The following SARM1 variants were observed in gnomAD, a reference collection of about 807,000 sequenced individuals.
SARM1 encodes the protein sterile alpha and TIR motif containing 1.
SARM1 carries 60 observed loss-of-function variants against 65.1 expected under a neutral mutation model. The ratio of observed to expected loss-of-function variants is 0.92; its 90% CI spans 0.75 to 1.14. The LOEUF is 1.14. Ranked by LOEUF, SARM1 falls within the 50% of genes most tolerant of loss-of-function variation. The pLI is 0.00. For missense variants in SARM1, 913 were observed against 1,015.7 expected (o/e 0.90, Z 1.37); for synonymous variants, 417 against 465.4 (o/e 0.90, Z 1.34).
At position 28,385,286 on chromosome 17, in the gene SARM1, T is replaced by A. The variant is rs782301012; in HGVS notation, c.1630+11T>A. The A allele has an allele frequency of 4.4e-5, 67 of 1,515,962 alleles. 1 individual carries two copies. The highest frequency in any genetic ancestry group is 4.1e-4 in the Middle Eastern group (2 of 4,892). The allele number at this position is 1,515,962 out of a possible 1,614,324, so 93.9% of individuals were successfully genotyped here. On this transcript the variant is annotated intron_variant, in intron 5 of 8. Coordinates refer to ENST00000585482, the MANE Select transcript of SARM1 (RefSeq NM_015077.4). This position sits in a 1 kb window ranked among gnomAD's most constrained non-coding sequence, Gnocchi z 4.5. ...TCACGGCGGCCAGAGGTCAGCCCGC[T>A]CACCCGGGACCCCGCCCCAGCCCCA...
chr17:28,388,549 T>C lies in SARM1; in HGVS notation c.1923+10T>C, dbSNP rs1427039842. On this transcript the variant is annotated intron_variant, in intron 7 of 8. Transcript: ENST00000585482. The stretch of plus-strand genomic sequence containing the variant: ...GGATTGGGTGCATAAGGTAGGTGCC[T>C]GCCTATGCTTCTGCGGTCCCAGCAT... The C allele has an allele frequency of 1.2e-6, 2 of 1,610,588 alleles. No homozygotes were observed. The highest frequency in any genetic ancestry group is 1.7e-6 in the Non-Finnish European group (2 of 1,179,148).
chr17:28,392,647 G>A (rs893479335), intron 7 of SARM1, among the ~76,000 whole-genome samples: 24 of 152,014 alleles, frequency 1.6e-4, no homozygotes, highest in Admixed American at 3.9e-4. Flanking sequence ...TGGGCTGGGC[G>A]TGTGTGTGGC....
chr17:28,388,385 G>C lies in SARM1; in HGVS notation c.1769G>C (p.Ser590Thr). ...GTGCACCTGCAGCTGCATGGCTTCAGTGTCTTCATTGATGTGGAGAAGCTG... is the reference window on the plus strand; with the variant it reads ...GTGCACCTGCAGCTGCATGGCTTCACTGTCTTCATTGATGTGGAGAAGCTG... ...LKVHLQLHGF[S>T]VFIDVEKLEA... Residue 590 changes from serine to threonine, a missense_variant, in exon 7 of 9, where the codon AGT (serine) becomes ACT (threonine). By Grantham distance (58) the Ser-to-Thr change is moderately conservative (BLOSUM62 1). Transcript: ENST00000585482. 2 of 1,614,004 alleles carry C rather than the reference G, an allele frequency of 1.2e-6. No homozygotes were observed. Among genetic ancestry groups the C allele is most frequent in the Non-Finnish European group, 1.7e-6 (2 of 1,179,896 alleles).
At position 28,402,220 on chromosome 17, in the gene SARM1, G is replaced by A. The variant is rs1555589761; in HGVS notation, c.*5934G>A. The stretch of plus-strand genomic sequence containing the variant: ...ACTGGACATGAGGAACCAGACACAG[G>A]TGGGTTCTGACACTCACCCTGCTCT... On this transcript the variant is annotated 3_prime_UTR_variant, in exon 9 of 9. Transcript: ENST00000585482. The A allele has an allele frequency of 1.2e-6, 2 of 1,607,118 alleles. No individual in the cohort carries two copies. Among genetic ancestry groups the A allele is most frequent in the Admixed American group, 1.7e-5 (1 of 59,498 alleles).
chr17:28,372,356 G>A lies in SARM1; in HGVS notation c.324G>A (p.Val108=). 6.6e-7 allele frequency: 1 copy of A among 1,504,068 alleles called. No homozygotes were observed. Among genetic ancestry groups the A allele is most frequent in the Non-Finnish European group, 8.8e-7 (1 of 1,132,442 alleles). The allele number at this position is 1,504,068 out of a possible 1,614,324, so 93.2% of individuals were successfully genotyped here. The change falls in exon 1 of 9, where the codon GTG becomes GTA. Residue 108 remains valine (V), a synonymous_variant. Coordinates refer to ENST00000585482, the MANE Select transcript of SARM1 (RefSeq NM_015077.4). The surrounding 1 kb of genome is among the most constrained non-coding windows in gnomAD (Gnocchi z 5.2). ...AGGAGGCCTGGCTGCTGCCGGCCGT[G>A]GGCCGCGAGGTAGCCCAGGGTCTGT... ...LVEEAWLLPA[V]GREVAQGLCD... is the part of the protein sequence containing the mutation.
chr17:28,378,445 A>G (rs1291341071), intron 1 of SARM1, among the ~76,000 whole-genome samples: 1 of 152,170 alleles, frequency 6.6e-6, no homozygotes, highest in Non-Finnish European at 1.5e-5. Context: ...CTAACTCCAT[A>G]AGGAACCATT....
rs372349604 is a variant in SARM1, at chr17:28,381,613, C to T, written c.881C>T (p.Ala294Val). The T allele has an allele frequency of 4.9e-5, 78 of 1,579,690 alleles. No individual in the cohort carries two copies. The highest frequency in any genetic ancestry group is 6.1e-5 in the Non-Finnish European group (71 of 1,164,042). Reference sequence around the variant, plus strand: ...GAGGTGGAGCGCTCGGGCACGCTGGCGCTCGTGGAGCCGCTTGTGGCCTCG... The same window carrying T: ...GAGGTGGAGCGCTCGGGCACGCTGGTGCTCGTGGAGCCGCTTGTGGCCTCG... ...EREVERSGTLALVEPLVASLD... is the reference protein window; with the variant it reads ...EREVERSGTLVLVEPLVASLD... Residue 294 changes from alanine (A) to valine (V), a missense_variant, in exon 2 of 9, where the codon GCG becomes GTG. Coordinates refer to ENST00000585482, the MANE Select transcript of SARM1 (RefSeq NM_015077.4).
rs1405932102 is a variant in SARM1 at position 28,396,489 on chromosome 17, T to G, written c.*203T>G. 2 of 635,916 alleles carry G rather than the reference T, an allele frequency of 3.1e-6. No homozygotes were observed. The highest frequency in any genetic ancestry group is 3.7e-5 in the African/African-American group (2 of 54,360). The allele number at this position is 635,916 out of a possible 1,614,324, so 39.4% of individuals were successfully genotyped here. A position where few individuals can be genotyped will look rare whatever the true frequency, so the allele number is the denominator to read the frequency against. ...CTGGAGAGGGAAGGGAAGTCAGGCT[T>G]GGGCACGGGAGGTTAGAACTCCCCC... On this transcript the variant is annotated 3_prime_UTR_variant, in exon 9 of 9. Coordinates refer to ENST00000585482, the MANE Select transcript of SARM1 (RefSeq NM_015077.4).
rs1418606536 is a variant in SARM1 at position 28,385,308 on chromosome 17, C to T, written c.1630+33C>T. 20 of 1,451,976 alleles carry T rather than the reference C, an allele frequency of 1.4e-5. No homozygotes were observed. Among genetic ancestry groups the T allele is most frequent in the Non-Finnish European group, 1.8e-5 (20 of 1,090,036 alleles). The allele number at this position is 1,451,976 out of a possible 1,614,324, so 89.9% of individuals were successfully genotyped here. Reference sequence around the variant, plus strand: ...CGCTCACCCGGGACCCCGCCCCAGCCCCAGCCCCAGCCACGGCCCTGGAAT... The same window carrying T: ...CGCTCACCCGGGACCCCGCCCCAGCTCCAGCCCCAGCCACGGCCCTGGAAT... On this transcript the variant is annotated intron_variant, in intron 5 of 8. Transcript: ENST00000585482. This position sits in a 1 kb window ranked among gnomAD's most constrained non-coding sequence, Gnocchi z 4.5.
rs2068162524 is a variant in SARM1 at position 28,398,923 on chromosome 17, GC to G, written c.*2638del. 6.6e-6 allele frequency: 1 copy of G among 152,276 alleles called. No individual in the cohort carries two copies. The highest frequency in any genetic ancestry group is 6.5e-5 in the Admixed American group (1 of 15,282). The allele number at this position is 152,276 out of a possible 1,614,324, so 9.4% of individuals were successfully genotyped here. On this transcript the variant is annotated 3_prime_UTR_variant, in exon 9 of 9. Coordinates refer to ENST00000585482, the MANE Select transcript of SARM1 (RefSeq NM_015077.4). ...GCCCCACTTGGTACCAATCCACCAG[GC>G]AGCTCAGGGCTCCTGCCCAGCCCAG...
At position 28,395,951 on chromosome 17, in the gene SARM1, T is replaced by C. The variant is rs1555587744; in HGVS notation, c.1970T>C (p.Ile657Thr). The change falls in exon 8 of 9, where the codon ATT (isoleucine) becomes ACT (threonine). Residue 657 changes from isoleucine to threonine, a missense_variant. This residue lies in a region of SARM1 where 862 missense variants were observed against 952.1 expected (regional missense o/e 0.91). Coordinates refer to ENST00000585482, the MANE Select transcript of SARM1 (RefSeq NM_015077.4). Reference sequence around the variant, plus strand: ...TGCGGCAAGAACATTGTGCCCATCATTGATGGCTTCGAGTGGCCTGAGCCC... The same window carrying C: ...TGCGGCAAGAACATTGTGCCCATCACTGATGGCTTCGAGTGGCCTGAGCCC... ...LSCGKNIVPI[I>T]DGFEWPEPQV... 6.8e-6 allele frequency: 11 copies of C among 1,613,876 alleles called. No individual in the cohort carries two copies. The highest frequency in any genetic ancestry group is 2.7e-5 in the African/African-American group (2 of 74,932).
intron 1 of SARM1, among the ~76,000 whole-genome samples, chr17:28,375,363 C>G (rs1159204907): frequency 0.012 from 2 of 170 alleles, no homozygotes; most frequent in East Asian, 0.2. Flanking sequence ...TTTGGGAGGC[C>G]CAGGCGGGAG....
At chr17:28,396,052 G>C (rs782010863) in intron 8 of SARM1, 26 bp downstream of exon 8, 89 of 1,613,622 alleles carry the variant, frequency 5.5e-5, no homozygotes, top group Non-Finnish European at 7.4e-5. Context: ...CTGGGACCAG[G>C]GGGGTAGGGT....
At position 28,385,337 on chromosome 17, in the gene SARM1, G is replaced by A; in HGVS notation, c.1630+62G>A. ...GCCCCAGCCACGGCCCTGGAATGGT[G>A]AGGGGAGACACGGGGTGGAGCCTTC... On this transcript the variant is annotated intron_variant, in intron 5 of 8. Coordinates refer to ENST00000585482, the MANE Select transcript of SARM1 (RefSeq NM_015077.4). This position sits in a 1 kb window ranked among gnomAD's most constrained non-coding sequence, Gnocchi z 4.5. The A allele has an allele frequency of 1.5e-6, 2 of 1,292,754 alleles. No individual in the cohort carries two copies. The highest frequency in any genetic ancestry group is 2.1e-6 in the Non-Finnish European group (2 of 957,982). The allele number at this position is 1,292,754 out of a possible 1,614,324, so 80.1% of individuals were successfully genotyped here. A position where few individuals can be genotyped will look rare whatever the true frequency, so the allele number is the denominator to read the frequency against.
intron 7 of SARM1, among the ~76,000 whole-genome samples, chr17:28,393,545 G>A (rs4795435): frequency 0.59 from 89,170 of 150,784 alleles, 26,772 homozygotes; most frequent in East Asian, 0.72. Context: ...GTGAGATCCT[G>A]TTCCCCTGCC....
rs1051601381 is a variant in SARM1 at position 28,385,790 on chromosome 17, A to T, written c.1630+515A>T. On this transcript the variant is annotated intron_variant, in intron 5 of 8. Transcript: ENST00000585482. This position sits in a 1 kb window ranked among gnomAD's most constrained non-coding sequence, Gnocchi z 4.5. Reference sequence around the variant, plus strand: ...TGGGTCTAGAGGTGGTTTAGAGTGAATTCTAGGCCTCTAGCCACCCTCCTT... The same window carrying T: ...TGGGTCTAGAGGTGGTTTAGAGTGATTTCTAGGCCTCTAGCCACCCTCCTT... Among the ~76,000 whole-genome samples the T allele has an allele frequency of 3.6e-4, 55 of 152,176 alleles. No homozygotes were observed. The highest frequency in any genetic ancestry group is 1.3e-3 in the African/African-American group (55 of 41,440).
rs12453383 is a variant in SARM1 at position 28,396,688 on chromosome 17, G to A, written c.*402G>A. 958 of 202,942 alleles carry A rather than the reference G, an allele frequency of 4.7e-3. 35 individuals carry two copies. The Admixed American group carries it at 0.049, about 10-fold the overall frequency. The allele number at this position is 202,942 out of a possible 1,614,324, so 12.6% of individuals were successfully genotyped here. On this transcript the variant is annotated 3_prime_UTR_variant, in exon 9 of 9. Coordinates refer to ENST00000585482, the MANE Select transcript of SARM1 (RefSeq NM_015077.4). Reference sequence around the variant, plus strand: ...ACAGGAATTAAGGCAATGCCCAGGCGGGCCTGGGCACTGTATTCTGAGCAA... The same window carrying A: ...ACAGGAATTAAGGCAATGCCCAGGCAGGCCTGGGCACTGTATTCTGAGCAA...
rs2068037839 is a variant in SARM1 at position 28,384,160 on chromosome 17, G to T, written c.1090-197G>T. ...GCCCCTCCGCCCCCAACCCATCCGA[G>T]TCAGGACCTGGTCAAGAATTGAGAG... On this transcript the variant is annotated intron_variant, in intron 2 of 8. Coordinates refer to ENST00000585482, the MANE Select transcript of SARM1 (RefSeq NM_015077.4). This position sits in a 1 kb window ranked among gnomAD's most constrained non-coding sequence, Gnocchi z 4.4. Among the ~76,000 whole-genome samples, 1 of 152,190 alleles carries T rather than the reference G, an allele frequency of 6.6e-6. No homozygotes were observed. Among genetic ancestry groups the T allele is most frequent in the Non-Finnish European group, 1.5e-5 (1 of 68,042 alleles).
At chr17:28,392,646 C>T (rs1474319806) in intron 7 of SARM1, among the ~76,000 whole-genome samples, 1 of 151,956 alleles carries the variant, frequency 6.6e-6, no homozygotes, top group Non-Finnish European at 1.5e-5. Context: ...GTGGGCTGGG[C>T]GTGTGTGTGG....
Sources: allele counts gnomAD v4.1 joint callset (sites outside exome capture counted in the v4.1 genomes callset), GRCh38; gene constraint gnomAD v4.1.1; regional missense constraint gnomAD v4.1.1; non-coding constraint Gnocchi (gnomAD v3.1); transcripts MANE v1.5; gene names NCBI Gene and HGNC (gene_info 2026-07-23, HGNC 2026-07-21).